The following CACNA1B variants were observed in gnomAD, a reference collection of about 807,000 sequenced individuals.
The protein encoded by CACNA1B is voltage-dependent N-type calcium channel subunit alpha-1B.
In CACNA1B, 70 loss-of-function variants were observed where a neutral mutation model predicts 247.2. The ratio of observed to expected loss-of-function variants is 0.28; its 90% CI spans 0.23 to 0.35. The LOEUF (loss-of-function observed/expected upper bound fraction) is 0.35, where lower values mean the gene tolerates loss of function less well. CACNA1B is among the 10% of genes least tolerant of loss of function. The pLI is 1.00. For synonymous variants in CACNA1B, 1,231 were observed against 1,294.4 expected (o/e 0.95, Z 1.05); for missense variants, 2,367 against 3,197.4 (o/e 0.74, Z 6.26).
At position 138,010,965 on chromosome 9, in the gene CACNA1B, C is replaced by G. The variant is rs1034992094; in HGVS notation, c.2160+888C>G. Among the ~76,000 whole-genome samples, 1 of 152,196 alleles carries G rather than the reference C, an allele frequency of 6.6e-6. No individual in the cohort carries two copies. Among genetic ancestry groups the G allele is most frequent in the Non-Finnish European group, 1.5e-5 (1 of 68,030 alleles). On this transcript the variant is annotated intron_variant, in intron 17 of 46. Transcript: ENST00000371372. This position sits in a 1 kb window ranked among gnomAD's most constrained non-coding sequence, Gnocchi z 5.3. ...TGCTGTGCAGGTGCCCCTGCTCCCC[C>G]CAGCCGAGCTCTCCAGGAGGGGGGT...
At position 138,075,830 on chromosome 9, in the gene CACNA1B, T is replaced by C; in HGVS notation, c.4869T>C (p.Asn1623=). ...YAIIGMQVFG[N]IALDDDTSIN... Reference sequence around the variant, plus strand: ...CTTCTCCATTGCAGGTGTTTGGGAATATTGCCCTGGATGATGACACCAGCA... The same window carrying C: ...CTTCTCCATTGCAGGTGTTTGGGAACATTGCCCTGGATGATGACACCAGCA... The change falls in exon 35 of 47, where the codon AAT becomes AAC. Residue 1623 remains asparagine, a synonymous_variant. Transcript: ENST00000371372. 1 of 1,608,518 alleles carries C rather than the reference T, an allele frequency of 6.2e-7. No homozygotes were observed. The highest frequency in any genetic ancestry group is 1.7e-5 in the Admixed American group (1 of 59,890).
At chr9:138,028,302 C>T (rs191820634) in intron 20 of CACNA1B, among the ~76,000 whole-genome samples, 2 of 152,190 alleles carry the variant, frequency 1.3e-5, no homozygotes, top group African/African-American at 2.4e-5. Flanking sequence ...GGATTACAGG[C>T]GTGAGCCACC....
chr9:137,886,978 C>G (rs1188852816), intron 3 of CACNA1B, among the ~76,000 whole-genome samples: 1 of 150,202 alleles, frequency 6.7e-6, no homozygotes, highest in Non-Finnish European at 1.5e-5. Context: ...ACATGGGTGT[C>G]CCAGTCATCT....
Position 137,962,511 on chromosome 9 carries a change from T to C in CACNA1B, c.1333+4824T>C, listed in dbSNP as rs202127122. On this transcript the variant is annotated intron_variant, in intron 10 of 46. Coordinates refer to ENST00000371372, the MANE Select transcript of CACNA1B (RefSeq NM_000718.4). ...GTTAACTTGAGATCTTTCTTTTTGG[T>C]ATGGGCATTTAGTGCTATAAATTTC... Among the ~76,000 whole-genome samples, 3 of 152,254 alleles carry C rather than the reference T, an allele frequency of 2.0e-5. No individual in the cohort carries two copies. In the East Asian group the frequency reaches 5.8e-4, roughly 29 times the overall value.
Position 137,891,824 on chromosome 9 carries a change from C to T in CACNA1B, c.530+8941C>T, listed in dbSNP as rs1025902566. ...CTGAAGCATCTCTACTCCAGCCAGA[C>T]GGACGCTAACGCAGATTCATTCCTA... On this transcript the variant is annotated intron_variant, in intron 3 of 46. Coordinates refer to ENST00000371372, the MANE Select transcript of CACNA1B (RefSeq NM_000718.4). The surrounding 1 kb of genome is among the most constrained non-coding windows in gnomAD (Gnocchi z 4.3). 2.5e-5 allele frequency: 9 copies of T among 354,718 alleles called. No individual in the cohort carries two copies. The highest frequency in any genetic ancestry group is 7.5e-5 in the East Asian group (1 of 13,416). The allele number at this position is 354,718 out of a possible 1,614,324, so 22.0% of individuals were successfully genotyped here.
chr9:137,940,083 C>T (rs543980835), intron 6 of CACNA1B, among the ~76,000 whole-genome samples: 1 of 151,848 alleles, frequency 6.6e-6, no homozygotes, highest in East Asian at 1.9e-4. Flanking sequence ...CAGAGCAGAA[C>T]TAAATGAAAC....
intron 11 of CACNA1B, among the ~76,000 whole-genome samples, chr9:137,975,633 A>G (rs1190999350): frequency 8.5e-5 from 13 of 152,058 alleles, no homozygotes; most frequent in Non-Finnish European, 1.8e-4. Context: ...ACCTGGGCTG[A>G]TCTCGGGAGC....
In CACNA1B at chr9:138,023,763, A is replaced by G. The variant is rs1397749983; in HGVS notation, c.3020A>G (p.Glu1007Gly). ...AAGGAGGCCACGGAGAAGGAGGCTG[A>G]GATAGTGGAAGCCGACAAGGAAAAG... ...TEKEATEKEA[E>G]IVEADKEKEL... The change falls in exon 19 of 47, where the codon GAG (glutamate) becomes GGG (glycine). Residue 1007 changes from glutamate to glycine, a missense_variant. Physicochemically the swap from Glu to Gly is moderately conservative, Grantham distance 98 (BLOSUM62 -2). Around this residue, in one of 12 missense-constraint regions of CACNA1B, gnomAD observed 631 missense variants for 631.1 expected, o/e 1.00. Transcript: ENST00000371372. 2.6e-6 allele frequency: 4 copies of G among 1,517,312 alleles called. No individual in the cohort carries two copies. The South Asian group carries it at 4.8e-5, about 18-fold the overall frequency. The allele number at this position is 1,517,312 out of a possible 1,614,324, so 94.0% of individuals were successfully genotyped here.
At position 138,010,200 on chromosome 9, in the gene CACNA1B, G is replaced by A; in HGVS notation, c.2160+123G>A. 1.4e-6 allele frequency: 1 copy of A among 712,428 alleles called. No homozygotes were observed. Among genetic ancestry groups the A allele is most frequent in the South Asian group, 1.7e-5 (1 of 57,322 alleles). The allele number at this position is 712,428 out of a possible 1,614,324, so 44.1% of individuals were successfully genotyped here. A position where few individuals can be genotyped will look rare whatever the true frequency, so the allele number is the denominator to read the frequency against. On this transcript the variant is annotated intron_variant, in intron 17 of 46. Coordinates refer to ENST00000371372, the MANE Select transcript of CACNA1B (RefSeq NM_000718.4). The surrounding 1 kb of genome is among the most constrained non-coding windows in gnomAD (Gnocchi z 5.3). ...GGAGCGTTGCCTTGGGTCCTGGCGGGCAGAGGCTGGTCTGTCACTCAGGGG... is the reference window on the plus strand; with the variant it reads ...GGAGCGTTGCCTTGGGTCCTGGCGGACAGAGGCTGGTCTGTCACTCAGGGG...
At chr9:137,962,131 T>C (rs1026468138) in intron 10 of CACNA1B, among the ~76,000 whole-genome samples, 1 of 152,174 alleles carries the variant, frequency 6.6e-6, no homozygotes, top group Admixed American at 6.5e-5. Context: ...TCCAGGAATT[T>C]ATTCATTTCT....
chr9:138,046,985 C>A lies in CACNA1B; in HGVS notation c.3495C>A (p.Ile1165=). The part of the protein sequence containing the change: ...VILVVIALSS[I]ALAAEDPVRT... ...TCGTGGTCATCGCCTTGAGCAGCATCGCCCTGGCTGCTGAGGACCCAGTGC... is the reference window on the plus strand; with the variant it reads ...TCGTGGTCATCGCCTTGAGCAGCATAGCCCTGGCTGCTGAGGACCCAGTGC... The change falls in exon 22 of 47, where the codon ATC becomes ATA. Residue 1165 remains isoleucine (I), a synonymous_variant. Transcript: ENST00000371372. The A allele has an allele frequency of 6.2e-7, 1 of 1,613,408 alleles. No homozygotes were observed. The highest frequency in any genetic ancestry group is 2.2e-5 in the East Asian group (1 of 44,866).
Position 138,120,094 on chromosome 9 carries a change from C to T in CACNA1B, c.6031-71C>T, listed in dbSNP as rs528594379. 27 of 1,313,212 alleles carry T rather than the reference C, an allele frequency of 2.1e-5. No homozygotes were observed. In the African/African-American group the frequency reaches 3.6e-4, roughly 18 times the overall value. 81.3% of individuals were successfully genotyped at this position (1,313,212 alleles called of 1,614,324 possible). On this transcript the variant is annotated intron_variant, in intron 44 of 46. Coordinates refer to ENST00000371372, the MANE Select transcript of CACNA1B (RefSeq NM_000718.4). ...CCTGCTGTCTGGCCTGCTCCACCAC[C>T]CACTTCCATGCCTGCATTCCCGCTG...
Position 138,023,641 on chromosome 9 carries a change from C to T in CACNA1B, c.2898C>T (p.Pro966=), listed in dbSNP as rs1958880184. 1 of 1,400,872 alleles carries T rather than the reference C, an allele frequency of 7.1e-7. No individual in the cohort carries two copies. The highest frequency in any genetic ancestry group is 2.7e-5 in the Admixed American group (1 of 36,488). 86.8% of individuals were successfully genotyped at this position (1,400,872 alleles called of 1,614,324 possible). Residue 966 remains proline, a synonymous_variant, in exon 19 of 47, where the codon CCC becomes CCT. Transcript: ENST00000371372. ...ARHRGGPRAG[P]REAESGEEPA... ...ACCGCGGCGGCCCCCGAGCGGGGCC[C>T]CGGGAGGCGGAGAGCGGGGAGGAGC...
chr9:138,093,699 C>G (rs558657203), intron 36 of CACNA1B, among the ~76,000 whole-genome samples: 1 of 151,372 alleles, frequency 6.6e-6, no homozygotes, highest in Non-Finnish European at 1.5e-5. Context: ...GAGATCACGC[C>G]ACTGCACTCC....
chr9:137,903,442 A>G (rs1235474610), intron 3 of CACNA1B, among the ~76,000 whole-genome samples: 2 of 152,094 alleles, frequency 1.3e-5, no homozygotes, highest in Non-Finnish European at 2.9e-5. Flanking sequence ...TTCGACTCAT[A>G]CGCATCAGTG....
At chr9:137,956,670 A>AAT in intron 8 of CACNA1B, 101 bp from the exon 9 acceptor site, 1 of 867,938 alleles carries the variant, frequency 1.2e-6, no homozygotes, top group South Asian at 1.8e-5. Context: ...AAAAAAAAAA[A>AAT]GAGCTGAGAA....
Position 138,118,759 on chromosome 9 carries a change from CGA to C in CACNA1B, c.6024_6025del (p.Glu2008AspfsTer37). On this transcript the variant is annotated frameshift_variant, in exon 44 of 47. Coordinates refer to ENST00000371372, the MANE Select transcript of CACNA1B (RefSeq NM_000718.4). LOFTEE classifies it high-confidence loss of function. The stretch of plus-strand genomic sequence containing the variant: ...CGGCCTCCATGCCCCGCCTTGCGGC[CGA>C]GACTCAGGTAGGTGGTCTGGGAGGG... Reference protein sequence around the residue: ...RAASMPRLAAETQPVTDASPM... With the variant: ...RAASMPRLAAXTQPVTDASPM... 1 of 1,490,042 alleles carries C rather than the reference CGA, an allele frequency of 6.7e-7. No homozygotes were observed. Among genetic ancestry groups the C allele is most frequent in the Non-Finnish European group, 9.1e-7 (1 of 1,100,422 alleles). The allele number at this position is 1,490,042 out of a possible 1,614,324, so 92.3% of individuals were successfully genotyped here. A position where few individuals can be genotyped will look rare whatever the true frequency, so the allele number is the denominator to read the frequency against.
At chr9:138,111,364 C>A (rs553460442) in intron 39 of CACNA1B, among the ~76,000 whole-genome samples, 14 of 152,240 alleles carry the variant, frequency 9.2e-5, no homozygotes, top group Non-Finnish European at 1.9e-4. Flanking sequence ...ATGACTCTCA[C>A]ATGCACCACA....
Position 138,100,221 on chromosome 9 carries a change from G to T in CACNA1B, c.5223-2490G>T, listed in dbSNP as rs1444306895. 3.3e-5 allele frequency among the ~76,000 whole-genome samples: 5 copies of T among 152,206 alleles called. No homozygotes were observed. On this transcript the variant is annotated intron_variant, in intron 37 of 46. Transcript: ENST00000371372. The surrounding 1 kb of genome is among the most constrained non-coding windows in gnomAD (Gnocchi z 4.6). ...AGGGAGGCCAGGTGGCTTCTGTCAG[G>T]CTGGAGAGGAGAGTGCATTGCAGAG...
Sources: allele counts gnomAD v4.1 joint callset (sites outside exome capture counted in the v4.1 genomes callset), GRCh38; gene constraint gnomAD v4.1.1; regional missense constraint gnomAD v4.1.1; non-coding constraint Gnocchi (gnomAD v3.1); transcripts MANE v1.5; gene names NCBI Gene and HGNC (gene_info 2026-07-23, HGNC 2026-07-21).